PPP6R2: variants seen among roughly 807,000 people sequenced by gnomAD.
PPP6R2 encodes the protein serine/threonine-protein phosphatase 6 regulatory subunit 2.
In PPP6R2, 62 loss-of-function variants were observed where a neutral mutation model predicts 100.2. The ratio of observed to expected loss-of-function variants is 0.62; its 90% CI spans 0.50 to 0.76. PPP6R2 has a LOEUF of 0.76. PPP6R2 is among the 30% of genes least tolerant of loss of function. The pLI, the probability that PPP6R2 is intolerant of heterozygous loss-of-function variation, is 0.00. For synonymous variants in PPP6R2, 525 were observed against 514.7 expected, an observed-to-expected ratio of 1.02 and a Z score of -0.27; for missense variants, 1,142 against 1,276.3, an observed-to-expected ratio of 0.89 and a Z score of 1.60.
At chr22:50,361,507 ACTT>A (rs747767084) in intron 1 of PPP6R2, among the ~76,000 whole-genome samples, 1 of 151,932 alleles carries the variant, frequency 6.6e-6, no homozygotes, top group African/African-American at 2.4e-5. Context: ...GTTGGCTCTT[ACTT>A]CTTCTGTGCG....
At chr22:50,367,637 T>C (rs1045830500) in intron 1 of PPP6R2, among the ~76,000 whole-genome samples, 25 of 152,300 alleles carry the variant, frequency 1.6e-4, no homozygotes, top group African/African-American at 6.0e-4. Context: ...TTAGATGCTG[T>C]TACCAGACTG....
upstream of PPP6R2, among the ~76,000 whole-genome samples, chr22:50,341,031 C>A (rs1018973243): frequency 6.6e-6 from 1 of 152,132 alleles, no homozygotes; most frequent in African/African-American, 2.4e-5. Flanking sequence ...CTGCCTCAGC[C>A]TCCCGAGTAG....
chr22:50,374,928 A>AAAG, intron 2 of PPP6R2, among the ~76,000 whole-genome samples: 1 of 151,498 alleles, frequency 6.6e-6, no homozygotes, highest in South Asian at 2.1e-4. Context: ...AAAAAAAAAA[A>AAAG]AAAGAGAAAA....
intron 1 of PPP6R2, among the ~76,000 whole-genome samples, chr22:50,361,693 G>T (rs953048990): frequency 6.6e-6 from 1 of 152,062 alleles, no homozygotes; most frequent in African/African-American, 2.4e-5. Context: ...CCAGGACCCA[G>T]AGTATGCCCT....
intron 1 of PPP6R2, among the ~76,000 whole-genome samples, chr22:50,360,009 C>T (rs2047449862): frequency 6.7e-6 from 1 of 148,304 alleles, no homozygotes; most frequent in African/African-American, 2.5e-5. Context: ...GATATTTTTG[C>T]TTGATACAGA....
At chr22:50,368,209 C>T (rs1254246243) in intron 1 of PPP6R2, among the ~76,000 whole-genome samples, 2 of 152,212 alleles carry the variant, frequency 1.3e-5, no homozygotes, top group African/African-American at 4.8e-5. Context: ...GTTTACGCCT[C>T]CAGATGGCTG....
chr22:50,393,920 G>A lies in PPP6R2; in HGVS notation c.12G>A (p.Lys4=). 1.2e-6 allele frequency: 2 copies of A among 1,614,194 alleles called. No individual in the cohort carries two copies. Among genetic ancestry groups the A allele is most frequent in the East Asian group, 2.2e-5 (1 of 44,890 alleles). ...CTGCGGCCGTCACGATGTTCTGGAA[G>A]TTTGACTTGAACACCACGTCCCATG... is the stretch of plus-strand genomic sequence containing the variant. MFW[K]FDLNTTSHVD... is the part of the protein sequence containing the mutation. Residue 4 remains lysine (K), a synonymous_variant, in exon 3 of 24, where the codon AAG becomes AAA. Transcript: ENST00000612753.
At chr22:50,343,143 GC>G (rs1479966259), upstream of PPP6R2, among the ~76,000 whole-genome samples, 1 of 151,838 alleles carries the variant, frequency 6.6e-6, no homozygotes, top group Non-Finnish European at 1.5e-5. Flanking sequence ...CCACTCCAAG[GC>G]AGCAGTCAGC....
chr22:50,352,434 A>C (rs1031893610), intron 1 of PPP6R2, among the ~76,000 whole-genome samples: 13 of 152,142 alleles, frequency 8.5e-5, no homozygotes, highest in East Asian at 3.9e-4. Context: ...CAAACCATTA[A>C]AACTTTCTGC....
chr22:50,410,252 T>C (rs2059551429), intron 4 of PPP6R2, among the ~76,000 whole-genome samples: 1 of 152,066 alleles, frequency 6.6e-6, no homozygotes, highest in African/African-American at 2.4e-5. Context: ...AAAGCAGCCA[T>C]CACTGATTGT....
At chr22:50,331,805 A>G in the PPP6R2 span, among the ~76,000 whole-genome samples, 31 of 152,144 alleles carry the variant, frequency 2.0e-4, no homozygotes, top group Non-Finnish European at 4.3e-4. Context: ...TATTTTTAGT[A>G]GAGACGGGGT....
chr22:50,407,410 G>A (rs2059127655), intron 4 of PPP6R2: 1 of 159,706 alleles, frequency 6.3e-6, no homozygotes, highest in Non-Finnish European at 1.4e-5. Context: ...CCATCCCTGG[G>A]AGCTGCACAG....
upstream of PPP6R2, among the ~76,000 whole-genome samples, chr22:50,340,228 GGTATGT>G (rs2042357077): frequency 1.3e-5 from 1 of 76,900 alleles, no homozygotes; most frequent in Non-Finnish European, 2.9e-5. Flanking sequence ...TGGTGTGTAT[GGTATGT>G]GGTGTGTGTG....
chr22:50,419,268 C>T, intron 7 of PPP6R2, 81 bp from the exon 8 acceptor site: 1 of 1,295,688 alleles, frequency 7.7e-7, no homozygotes, highest in Middle Eastern at 1.9e-4. Context: ...TGGGGTCCTC[C>T]ACGGGGAGGA....
At chr22:50,432,385 C>T (rs2063325169) in intron 12 of PPP6R2, 56 bp downstream of exon 12, 8 of 1,458,172 alleles carry the variant, frequency 5.5e-6, no homozygotes, top group South Asian at 4.9e-5. Context: ...GATGCAGAGA[C>T]GCACCTCACC....
In PPP6R2 at chr22:50,343,365, C is replaced by T. The variant is rs1459963992; in HGVS notation, c.-333C>T. 8 of 151,046 alleles carry T rather than the reference C, an allele frequency of 5.3e-5. No homozygotes were observed. Among genetic ancestry groups the T allele is most frequent in the African/African-American group, 1.7e-4 (7 of 41,280 alleles). 9.4% of individuals were successfully genotyped at this position (151,046 alleles called of 1,614,324 possible). On this transcript the variant is annotated 5_prime_UTR_variant, in exon 1 of 24. Transcript: ENST00000612753. ...AGCGATCGGAGTGCCGCCCGCGGCC[C>T]CGAGTCGGTCTCGAGCCGCCGGCCG...
the PPP6R2 span, among the ~76,000 whole-genome samples, chr22:50,337,940 GTGTGTGTGA>G: frequency 9.3e-5 from 13 of 140,420 alleles, no homozygotes; most frequent in Admixed American, 9.3e-4. Flanking sequence ...GTGTGTGCAT[GTGTGTGTGA>G]TGTGTGTGGT....
chr22:50,428,125 G>C (rs1176711915), intron 10 of PPP6R2, among the ~76,000 whole-genome samples: 1 of 151,334 alleles, frequency 6.6e-6, no homozygotes, highest in Non-Finnish European at 1.5e-5. Context: ...AAAGTGCTGG[G>C]ATTATAGGCA....
chr22:50,411,841 C>T (rs542480912), intron 4 of PPP6R2, among the ~76,000 whole-genome samples: 136 of 152,072 alleles, frequency 8.9e-4, no homozygotes, highest in Middle Eastern at 3.4e-3. Context: ...GTCAGGAGAT[C>T]GAGACCGTCC....
Sources: allele counts gnomAD v4.1 joint callset (sites outside exome capture counted in the v4.1 genomes callset), GRCh38; gene constraint gnomAD v4.1.1; transcripts MANE v1.5; gene names NCBI Gene and HGNC (gene_info 2026-07-23, HGNC 2026-07-21).